Variants in FAM184B observed in about 807,000 individuals in gnomAD.
FAM184B encodes family with sequence similarity 184 member B.
Under a neutral mutation model 135.9 loss-of-function variants are expected in FAM184B, and 111 were observed. That is an observed-to-expected ratio of 0.82 (90% CI 0.70 to 0.96). FAM184B has a LOEUF of 0.96. Among genes scored for constraint, FAM184B ranks in the 40% least tolerant of loss-of-function variants. The probability of loss-of-function intolerance (pLI) is 0.00; values close to 1 mark genes in which losing one functional copy is unlikely to be tolerated. For synonymous variants in FAM184B, 552 were observed against 524.8 expected (o/e 1.05, Z -0.71); for missense variants, 1,375 against 1,323.9 (o/e 1.04, Z -0.60).
chr4:17,671,141 T>C (rs78347054), intron 7 of FAM184B, among the ~76,000 whole-genome samples: 3,070 of 152,140 alleles, frequency 0.02, 102 homozygotes, highest in African/African-American at 0.071. Context: ...CCAGACTCAC[T>C]AAAGCTGGTA....
intron 8 of FAM184B, among the ~76,000 whole-genome samples, chr4:17,662,331 T>C (rs1203994152): frequency 1.5e-5 from 2 of 137,756 alleles, no homozygotes; most frequent in East Asian, 4.9e-4. Flanking sequence ...TTTTTGTGGA[T>C]ATATATTTTT....
chr4:17,667,883 G>A (rs1716091393), intron 7 of FAM184B, among the ~76,000 whole-genome samples: 1 of 152,226 alleles, frequency 6.6e-6, no homozygotes, highest in Non-Finnish European at 1.5e-5. Context: ...GGCCAGGGCA[G>A]GTGCTGGGCT....
At chr4:17,751,501 G>A (rs1208822945) in intron 1 of FAM184B, among the ~76,000 whole-genome samples, 1 of 151,978 alleles carries the variant, frequency 6.6e-6, no homozygotes, top group Non-Finnish European at 1.5e-5. Context: ...TCCATGGAGA[G>A]GCTCTACCTC....
rs1006612318 is a variant in FAM184B, at chr4:17,658,433, T to G, written c.1954A>C (p.Asn652His). 1.3e-6 allele frequency: 2 copies of G among 1,551,630 alleles called. No homozygotes were observed. The highest frequency in any genetic ancestry group is 1.7e-6 in the Non-Finnish European group (2 of 1,146,990). ...TCGAGCTGGGCTTTCATGGCGTGGT[T>G]CTGCTGAGTGGTCTCCTGGAGCTCA... Reference protein sequence around the residue: ...QRELQETTQQNHAMKAQLEAS... With the variant: ...QRELQETTQQHHAMKAQLEAS... The change falls in exon 10 of 18, where the codon AAC becomes CAC. Residue 652 changes from asparagine (N) to histidine (H), a missense_variant. Physicochemically the swap from Asn to His is moderately conservative, Grantham distance 68. Coordinates refer to ENST00000265018, the MANE Select transcript of FAM184B (RefSeq NM_015688.2).
At chr4:17,642,413 G>T (rs1207471242) in intron 12 of FAM184B, among the ~76,000 whole-genome samples, 185 bp from the exon 13 acceptor site, 3 of 152,180 alleles carry the variant, frequency 2.0e-5, no homozygotes, top group Non-Finnish European at 4.4e-5. Context: ...TCCTCCTTTG[G>T]GAGTTGGCCA....
Position 17,642,173 on chromosome 4 carries a change from G to A in FAM184B, c.2402C>T (p.Ser801Phe). 1 of 1,532,442 alleles carries A rather than the reference G, an allele frequency of 6.5e-7. No homozygotes were observed. The highest frequency in any genetic ancestry group is 1.9e-4 in the Middle Eastern group (1 of 5,304). The allele number at this position is 1,532,442 out of a possible 1,614,324, so 94.9% of individuals were successfully genotyped here. A position where few individuals can be genotyped will look rare whatever the true frequency, so the allele number is the denominator to read the frequency against. The change falls in exon 13 of 18, where the codon TCC (serine) becomes TTC (phenylalanine). Residue 801 changes from serine (S) to phenylalanine (F), a missense_variant. Coordinates refer to ENST00000265018, the MANE Select transcript of FAM184B (RefSeq NM_015688.2). ...CTCCCAGAGCCCGCATCCCTCGCCGGAACCCTGCCCAGCAGCGCCCGGTGG... is the reference window on the plus strand; with the variant it reads ...CTCCCAGAGCCCGCATCCCTCGCCGAAACCCTGCCCAGCAGCGCCCGGTGG... ...GSPPGAAGQG[S>F]GEGCGLWEEN...
At chr4:17,757,540 T>C (rs143988231) in intron 1 of FAM184B, among the ~76,000 whole-genome samples, 7 of 152,282 alleles carry the variant, frequency 4.6e-5, no homozygotes, top group African/African-American at 1.7e-4. Context: ...TAAAAAAGAA[T>C]GCTTATCTTT....
chr4:17,696,768 G>A (rs987390893), intron 5 of FAM184B, among the ~76,000 whole-genome samples: 2 of 152,022 alleles, frequency 1.3e-5, no homozygotes, highest in Non-Finnish European at 2.9e-5. Flanking sequence ...AGCCATGATC[G>A]CATCACTGTA....
chr4:17,726,561 G>A (rs563886893), intron 1 of FAM184B, among the ~76,000 whole-genome samples: 6 of 152,138 alleles, frequency 3.9e-5, no homozygotes, highest in South Asian at 2.1e-4. Flanking sequence ...TAGTAGAGAC[G>A]GGGTTTCACC....
chr4:17,715,977 T>C (rs1270891601), intron 1 of FAM184B, among the ~76,000 whole-genome samples: 1 of 151,724 alleles, frequency 6.6e-6, no homozygotes, highest in Non-Finnish European at 1.5e-5. Flanking sequence ...GCCTGAAGTC[T>C]GCTTTTTGCT....
At chr4:17,638,134 CTTTTTTTTTTTTTTTTTTT>C (rs56926847) in intron 14 of FAM184B, among the ~76,000 whole-genome samples, 8 of 73,418 alleles carry the variant, frequency 1.1e-4, no homozygotes, top group African/African-American at 3.7e-4. Context: ...TAACTGTTTG[CTTTTTTTTTTTTTTTTTTT>C]TTTTTTTTTT....
At chr4:17,638,251 C>T (rs1330824096) in intron 14 of FAM184B, among the ~76,000 whole-genome samples, 1 of 147,532 alleles carries the variant, frequency 6.8e-6, no homozygotes, top group Non-Finnish European at 1.5e-5. Context: ...TGCAGGGGTG[C>T]AATCACAGAT....
chr4:17,766,797 G>A (rs767617013), intron 1 of FAM184B, among the ~76,000 whole-genome samples: 3 of 152,238 alleles, frequency 2.0e-5, no homozygotes, highest in African/African-American at 4.8e-5. Flanking sequence ...CCAGTCCCGC[G>A]CAGAGCACCC....
At chr4:17,659,003 T>C (rs1176463105) in intron 9 of FAM184B, among the ~76,000 whole-genome samples, 2 of 152,206 alleles carry the variant, frequency 1.3e-5, no homozygotes, top group Admixed American at 6.5e-5. Context: ...TGAGCCATCA[T>C]TACCTTAGAA....
At chr4:17,721,580 G>A (rs1577276588) in intron 1 of FAM184B, among the ~76,000 whole-genome samples, 1 of 151,992 alleles carries the variant, frequency 6.6e-6, no homozygotes, top group Non-Finnish European at 1.5e-5. Context: ...CATGCAAGGG[G>A]CGTCCTCCGG....
At position 17,701,237 on chromosome 4, in the gene FAM184B, A is replaced by C. The variant is rs982335795; in HGVS notation, c.1377+3763T>G. 3.3e-5 allele frequency among the ~76,000 whole-genome samples: 5 copies of C among 152,224 alleles called. No homozygotes were observed. The South Asian group carries it at 6.2e-4, about 19-fold the overall frequency. On this transcript the variant is annotated intron_variant, in intron 5 of 17. Transcript: ENST00000265018. ...TCAATGGTAAATAAACAGTAGATGA[A>C]TAACGGCAGAGCGAGGACCCGAATG...
At position 17,679,017 on chromosome 4, in the gene FAM184B, C is replaced by T. The variant is rs184893415; in HGVS notation, c.1596+9407G>A. Among the ~76,000 whole-genome samples the T allele has an allele frequency of 1.6e-3, 242 of 152,270 alleles. 1 individual carries two copies. Among genetic ancestry groups the T allele is most frequent in the African/African-American group, 5.7e-3 (235 of 41,554 alleles). ...CTGGATCCTAATCTCTCACCTTATACAAAAATCAACTCAAGATGGTTCAAA... is the reference window on the plus strand; with the variant it reads ...CTGGATCCTAATCTCTCACCTTATATAAAAATCAACTCAAGATGGTTCAAA... On this transcript the variant is annotated intron_variant, in intron 7 of 17. Coordinates refer to ENST00000265018, the MANE Select transcript of FAM184B (RefSeq NM_015688.2).
chr4:17,637,626 A>G (rs1715183884), intron 14 of FAM184B, among the ~76,000 whole-genome samples: 1 of 152,042 alleles, frequency 6.6e-6, no homozygotes, highest in South Asian at 2.1e-4. Flanking sequence ...TGTAACTGGT[A>G]AAACCTTTCC....
intron 1 of FAM184B, among the ~76,000 whole-genome samples, chr4:17,719,611 T>G (rs1198510376): frequency 6.6e-6 from 1 of 152,208 alleles, no homozygotes; most frequent in Non-Finnish European, 1.5e-5. Flanking sequence ...CTTTTCTCCT[T>G]CATTACCATT....
Sources: allele counts gnomAD v4.1 joint callset (sites outside exome capture counted in the v4.1 genomes callset), GRCh38; gene constraint gnomAD v4.1.1; transcripts MANE v1.5; gene names NCBI Gene and HGNC (gene_info 2026-07-23, HGNC 2026-07-21).